The following STX5 variants were observed in gnomAD, a reference collection of about 807,000 sequenced individuals.
STX5 encodes syntaxin 5.
Under a neutral mutation model 42.9 loss-of-function variants are expected in STX5, and 15 were observed. The observed-to-expected ratio is 0.35, with a 90% CI of 0.23 to 0.54. STX5 has a LOEUF of 0.54. Ranked by LOEUF, STX5 falls within the 20% of genes least tolerant of loss-of-function variation. The pLI, the probability that STX5 is intolerant of heterozygous loss-of-function variation, is 0.91. For synonymous variants in STX5, 184 were observed against 173.2 expected (o/e 1.06, Z -0.49); for missense variants, 430 against 455.0 (o/e 0.95, Z 0.50).
intron 10 of STX5, among the ~76,000 whole-genome samples, chr11:62,818,042 G>C (rs779501053): frequency 6.6e-6 from 1 of 151,918 alleles, no homozygotes; most frequent in South Asian, 2.1e-4. Context: ...TCAGTAGTTC[G>C]AGACCAGACT....
chr11:62,828,720 C>A (rs918412936), intron 2 of STX5, among the ~76,000 whole-genome samples: 6 of 145,634 alleles, frequency 4.1e-5, no homozygotes, highest in Admixed American at 3.6e-4. Flanking sequence ...AGCGAGACTC[C>A]GTCTCAAAAT....
intron 10 of STX5, among the ~76,000 whole-genome samples, chr11:62,816,483 G>T (rs1343903373): frequency 1.3e-5 from 2 of 151,990 alleles, no homozygotes; most frequent in African/African-American, 4.8e-5. Context: ...GTCTTGCTAT[G>T]TTGCCTAGGC....
intron 2 of STX5, among the ~76,000 whole-genome samples, chr11:62,829,292 C>T (rs1463758567): frequency 6.7e-6 from 1 of 149,980 alleles, no homozygotes; most frequent in Non-Finnish European, 1.5e-5. Context: ...GGCATGGTGG[C>T]GCATGTCTGT....
At chr11:62,828,849 G>C (rs373248199) in intron 2 of STX5, among the ~76,000 whole-genome samples, 1 of 151,944 alleles carries the variant, frequency 6.6e-6, no homozygotes, top group Non-Finnish European at 1.5e-5. Flanking sequence ...AGCAGATCAC[G>C]AGGTCAAGAG....
chr11:62,822,730 T>C (rs1222820953), intron 10 of STX5, among the ~76,000 whole-genome samples: 1 of 151,214 alleles, frequency 6.6e-6, no homozygotes. Flanking sequence ...TACTATTTAT[T>C]ATGACTTTTT....
chr11:62,820,055 G>A (rs1253659563), intron 10 of STX5, among the ~76,000 whole-genome samples: 1 of 151,610 alleles, frequency 6.6e-6, no homozygotes, highest in East Asian at 2.0e-4. Flanking sequence ...TTAGGAGACA[G>A]GTCTGGGACG....
intron 10 of STX5, among the ~76,000 whole-genome samples, chr11:62,821,032 A>C (rs952570834): frequency 6.6e-6 from 1 of 152,038 alleles, no homozygotes; most frequent in African/African-American, 2.4e-5. Context: ...AAAATAGGCC[A>C]GGTGCGGTGG....
chr11:62,831,077 G>A lies in STX5; in HGVS notation c.167C>T (p.Ser56Phe). ...TLVPPPPDTMSCRDRTQEFLS... is the reference protein window; with the variant it reads ...TLVPPPPDTMFCRDRTQEFLS... Reference sequence around the variant, plus strand: ...AAACTCCTGGGTCCGATCCCGGCAGGACATGGTGTCGGGAGGGGGAGGGAC... The same window carrying A: ...AAACTCCTGGGTCCGATCCCGGCAGAACATGGTGTCGGGAGGGGGAGGGAC... Residue 56 changes from serine to phenylalanine, a missense_variant, in exon 2 of 11, where the codon TCC (serine) becomes TTC (phenylalanine). By Grantham distance (155) the Ser-to-Phe change is radical. Coordinates refer to ENST00000294179, the MANE Select transcript of STX5 (RefSeq NM_003164.5). 6.4e-7 allele frequency: 1 copy of A among 1,556,274 alleles called. No homozygotes were observed. The highest frequency in any genetic ancestry group is 1.9e-5 in the Admixed American group (1 of 51,754).
rs753192885 is a variant in STX5, at chr11:62,824,504, C to T, written c.741G>A (p.Met247Ile). ...GCTGCTGGCTGGTCCGAGAGTCCAT[C>T]ATGTCGATGGCGACATCCTTGGAGG... ...SHASKDVAID[M>I]MDSRTSQQLQ... The change falls in exon 9 of 11, where the codon ATG becomes ATA. Residue 247 changes from methionine to isoleucine, a missense_variant. Transcript: ENST00000294179. 1 of 1,614,214 alleles carries T rather than the reference C, an allele frequency of 6.2e-7. No homozygotes were observed. The highest frequency in any genetic ancestry group is 8.5e-7 in the Non-Finnish European group (1 of 1,180,038).
chr11:62,815,530 C>T (rs2084664196), intron 10 of STX5, among the ~76,000 whole-genome samples: 3 of 149,482 alleles, frequency 2.0e-5, no homozygotes, highest in South Asian at 2.1e-4. Flanking sequence ...AGGATAACGG[C>T]GTGGTTTTTT....
chr11:62,830,423 T>C lies in STX5; in HGVS notation c.225+596A>G, dbSNP rs560613277. The stretch of plus-strand genomic sequence containing the variant: ...TAAAATTAGCTGAGTGGTGCATCCA[T>C]GTAGTCCCAGCTGCTCAGGAGGCTG... On this transcript the variant is annotated intron_variant, in intron 2 of 10. Coordinates refer to ENST00000294179, the MANE Select transcript of STX5 (RefSeq NM_003164.5). 9.8e-5 allele frequency: 41 copies of C among 420,414 alleles called. 1 individual carries two copies. Among genetic ancestry groups the C allele is most frequent in the South Asian group, 6.8e-4 (41 of 60,570 alleles). 26.0% of individuals were successfully genotyped at this position (420,414 alleles called of 1,614,324 possible).
In STX5 at chr11:62,825,294, C is replaced by T. The variant is rs763873217; in HGVS notation, c.586G>A (p.Val196Met). The stretch of plus-strand genomic sequence containing the variant: ...CAGATTGTTCTCACCTCTGTCCTCA[C>T]TTCTAAAACCGATTTGAAGTCATTG... ...MSNDFKSVLE[V>M]RTENLKQQRS... is the part of the protein sequence containing the mutation. Residue 196 changes from valine to methionine, a missense_variant, in exon 7 of 11, where the codon GTG becomes ATG. Physicochemically the swap from Val to Met is conservative, Grantham distance 21. Transcript: ENST00000294179. 49 of 1,614,072 alleles carry T rather than the reference C, an allele frequency of 3.0e-5. No homozygotes were observed. Among genetic ancestry groups the T allele is most frequent in the Non-Finnish European group, 4.1e-5 (48 of 1,180,056 alleles).
At position 62,825,187 on chromosome 11, in the gene STX5, A is replaced by G. The variant is rs190092145; in HGVS notation, c.598-70T>C. 981 of 1,611,132 alleles carry G rather than the reference A, an allele frequency of 6.1e-4. 3 individuals carry two copies. The highest frequency in any genetic ancestry group is 5.7e-3 in the Middle Eastern group (32 of 5,608). On this transcript the variant is annotated intron_variant, in intron 7 of 10. Coordinates refer to ENST00000294179, the MANE Select transcript of STX5 (RefSeq NM_003164.5). ...CAGGCATGTTAAAGAGACTCCCACCATTGGCCCCATGACCCTGTAGAACTT... is the reference window on the plus strand; with the variant it reads ...CAGGCATGTTAAAGAGACTCCCACCGTTGGCCCCATGACCCTGTAGAACTT...
intron 10 of STX5, among the ~76,000 whole-genome samples, chr11:62,817,172 C>T (rs1451373048): frequency 6.6e-6 from 1 of 152,068 alleles, no homozygotes; most frequent in Non-Finnish European, 1.5e-5. Flanking sequence ...AAGTGATCCA[C>T]CTGCCTCAGC....
Position 62,831,234 on chromosome 11 carries a change from G to C in STX5, c.10C>G (p.Arg4Gly). The C allele has an allele frequency of 6.4e-7, 1 of 1,560,854 alleles. No individual in the cohort carries two copies. The highest frequency in any genetic ancestry group is 1.2e-5 in the South Asian group (1 of 84,910). The change falls in exon 2 of 11, where the codon CGG (arginine) becomes GGG (glycine). Residue 4 changes from arginine to glycine, a missense_variant. Arg to Gly is a moderately radical substitution (Grantham distance 125). Coordinates refer to ENST00000294179, the MANE Select transcript of STX5 (RefSeq NM_003164.5). Reference sequence around the variant, plus strand: ...GTGTTCTTAGACCCGTAGCGTTTCCGCGGGATCATTGAGACGCATAACCTC... The same window carrying C: ...GTGTTCTTAGACCCGTAGCGTTTCCCCGGGATCATTGAGACGCATAACCTC... MIP[R>G]KRYGSKNTDQ... is the part of the protein sequence containing the mutation.
chr11:62,829,439 T>TAAAC (rs2084831600), intron 2 of STX5, among the ~76,000 whole-genome samples: 1 of 150,954 alleles, frequency 6.6e-6, no homozygotes, highest in African/African-American at 2.4e-5. Context: ...AATAAATAAA[T>TAAAC]AAATAAATAA....
chr11:62,821,699 G>C (rs956972577), intron 10 of STX5, among the ~76,000 whole-genome samples: 1 of 150,516 alleles, frequency 6.6e-6, no homozygotes, highest in Admixed American at 6.6e-5. Flanking sequence ...CTGGACAACA[G>C]TGAAACTCCA....
At chr11:62,823,997 T>C in intron 10 of STX5, 169 bp downstream of exon 10, 2 of 1,008,874 alleles carry the variant, frequency 2.0e-6, no homozygotes, top group East Asian at 2.4e-5. Context: ...CATGAACAGG[T>C]GCTCAATAAA....
chr11:62,828,406 T>C (rs2084818589), intron 2 of STX5, among the ~76,000 whole-genome samples: 1 of 152,140 alleles, frequency 6.6e-6, no homozygotes, highest in Non-Finnish European at 1.5e-5. Context: ...AGCCAGCATG[T>C]CCAGCCATCA....
Sources: gnomAD v4.1 joint callset for allele counts (sites outside exome capture counted in the v4.1 genomes callset) on GRCh38, gnomAD v4.1.1 for gene constraint, MANE v1.5 for transcripts, NCBI Gene and HGNC (gene_info 2026-07-23, HGNC 2026-07-21) for gene names.